The following MCUB variants were observed in gnomAD, a reference collection of about 807,000 sequenced individuals.
MCUB encodes mitochondrial calcium uniporter dominant negative subunit beta.
In MCUB, 46 loss-of-function variants were observed where a neutral mutation model predicts 41.4. The ratio of observed to expected loss-of-function variants is 1.11; its 90% CI spans 0.88 to 1.42. The LOEUF is 1.42. Ranked by LOEUF, MCUB falls within the 40% of genes most tolerant of loss-of-function variation. MCUB has a pLI of 0.00. For synonymous variants in MCUB, 148 were observed against 148.2 expected, an observed-to-expected ratio of 1.00 and a Z score of 0.01; for missense variants, 403 against 404.9, an observed-to-expected ratio of 1.00 and a Z score of 0.04.
chr4:109,587,078 G>C (rs1284438061), intron 1 of MCUB, among the ~76,000 whole-genome samples: 1 of 152,238 alleles, frequency 6.6e-6, no homozygotes, highest in Non-Finnish European at 1.5e-5. Context: ...AGTCTACAGA[G>C]GCAGCAGGCC....
At chr4:109,656,354 CTTTTT>C (rs752851425) in intron 1 of MCUB, among the ~76,000 whole-genome samples, 5 of 62,094 alleles carry the variant, frequency 8.1e-5, no homozygotes, top group African/African-American at 1.6e-4. Flanking sequence ...TTACTCTCTA[CTTTTT>C]TTTTTTTTTT....
chr4:109,621,355 A>G (rs1268769007), intron 1 of MCUB, among the ~76,000 whole-genome samples: 1 of 152,228 alleles, frequency 6.6e-6, no homozygotes, highest in Non-Finnish European at 1.5e-5. Context: ...AGTTGATTCT[A>G]TAACTGTTAC....
chr4:109,609,028 CTG>C (rs1017504580), intron 1 of MCUB, among the ~76,000 whole-genome samples: 1 of 151,768 alleles, frequency 6.6e-6, no homozygotes, highest in Non-Finnish European at 1.5e-5. Context: ...GACAGAGACT[CTG>C]TGTTATCTTC....
rs1358904815 is a variant in MCUB, at chr4:109,597,983, C to T, written c.99+37547C>T. Among the ~76,000 whole-genome samples, 7 of 150,710 alleles carry T rather than the reference C, an allele frequency of 4.6e-5. No individual in the cohort carries two copies. The East Asian group carries it at 1.4e-3, about 30-fold the overall frequency. ...GGCGGCGGGGCAGAGGCGCTCCCCA[C>T]ATCTCAGACGATGGGCGGCCGGGCA... On this transcript the variant is annotated intron_variant, in intron 1 of 7. Coordinates refer to ENST00000394650, the MANE Select transcript of MCUB (RefSeq NM_017918.5).
chr4:109,623,993 G>A (rs912818388), intron 1 of MCUB, among the ~76,000 whole-genome samples: 4 of 152,082 alleles, frequency 2.6e-5, no homozygotes, highest in Admixed American at 6.6e-5. Context: ...AGGATCACAG[G>A]TGCACACCAG....
intron 1 of MCUB, among the ~76,000 whole-genome samples, chr4:109,586,762 T>A (rs1272037552): frequency 6.6e-6 from 1 of 152,220 alleles, no homozygotes; most frequent in African/African-American, 2.4e-5. Flanking sequence ...CAGACCCTGT[T>A]TGCCTGGGTA....
At chr4:109,576,665 G>A (rs1414888852) in intron 1 of MCUB, among the ~76,000 whole-genome samples, 3 of 152,088 alleles carry the variant, frequency 2.0e-5, no homozygotes, top group Non-Finnish European at 4.4e-5. Flanking sequence ...GAAACAGATG[G>A]CCCACTTAGA....
chr4:109,682,419 T>A (rs755514115), intron 4 of MCUB, among the ~76,000 whole-genome samples, 163 bp from the exon 5 acceptor site: 4 of 152,218 alleles, frequency 2.6e-5, no homozygotes, highest in Non-Finnish European at 4.4e-5. Flanking sequence ...CTTGAACTGC[T>A]TTTCAAATGT....
intron 1 of MCUB, among the ~76,000 whole-genome samples, chr4:109,609,649 T>C (rs1452644610): frequency 6.6e-6 from 1 of 152,166 alleles, no homozygotes; most frequent in Non-Finnish European, 1.5e-5. Context: ...AAGATGGAGC[T>C]GCTCTGGTTC....
rs949223739 is a variant in MCUB, at chr4:109,592,785, A to G, written c.99+32349A>G. ...GTGCACACTTTCAGGAGTTTTGACA[A>G]TACACAGACCTATTAACTCATACTT... On this transcript the variant is annotated intron_variant, in intron 1 of 7. Coordinates refer to ENST00000394650, the MANE Select transcript of MCUB (RefSeq NM_017918.5). Among the ~76,000 whole-genome samples the G allele has an allele frequency of 6.6e-4, 101 of 152,206 alleles. 2 individuals carry two copies. Among genetic ancestry groups the G allele is most frequent in the Non-Finnish European group, 2.2e-4 (15 of 68,030 alleles).
At chr4:109,613,735 T>C (rs1031898986) in intron 1 of MCUB, among the ~76,000 whole-genome samples, 42 of 152,166 alleles carry the variant, frequency 2.8e-4, no homozygotes, top group African/African-American at 1.0e-3. Flanking sequence ...AGGGTCAGAA[T>C]ACCAGGAGGC....
chr4:109,682,475 T>C (rs746518294), intron 4 of MCUB, 107 bp from the exon 5 acceptor site: 4 of 876,882 alleles, frequency 4.6e-6, no homozygotes, highest in Non-Finnish European at 7.2e-6. Flanking sequence ...TTCCTTACCC[T>C]GTGGATCCTA....
intron 1 of MCUB, among the ~76,000 whole-genome samples, chr4:109,610,646 T>C (rs1046987797): frequency 6.6e-6 from 1 of 152,178 alleles, no homozygotes; most frequent in African/African-American, 2.4e-5. Flanking sequence ...ACGCGTCTTT[T>C]AACGGCAGGG....
chr4:109,602,787 T>C (rs1422668078), intron 1 of MCUB, among the ~76,000 whole-genome samples: 3 of 152,200 alleles, frequency 2.0e-5, no homozygotes, highest in Non-Finnish European at 4.4e-5. Flanking sequence ...AATCTGTAGA[T>C]TGCTTTGGTA....
At chr4:109,657,200 CAG>C (rs1491467181) in intron 1 of MCUB, among the ~76,000 whole-genome samples, 1 of 119,346 alleles carries the variant, frequency 8.4e-6, no homozygotes, top group African/African-American at 3.4e-5. Context: ...GCCTGGGCAA[CAG>C]AGCAATATTC....
chr4:109,667,340 A>G (rs951505960), intron 4 of MCUB, among the ~76,000 whole-genome samples: 5 of 151,956 alleles, frequency 3.3e-5, no homozygotes, highest in African/African-American at 1.2e-4. Context: ...GAATTAATCT[A>G]TTTTGTCTAG....
At chr4:109,648,222 AAG>A (rs3086306) in intron 1 of MCUB, among the ~76,000 whole-genome samples, 106,603 of 151,726 alleles carry the variant, frequency 0.7, 38,122 homozygotes, top group African/African-American at 0.83. Flanking sequence ...AATGGAAGGA[AAG>A]AGAGAGAGAA....
chr4:109,649,836 A>AGT (rs1280702575), intron 1 of MCUB, among the ~76,000 whole-genome samples: 4 of 152,062 alleles, frequency 2.6e-5, no homozygotes, highest in Non-Finnish European at 5.9e-5. Context: ...AGCCTCCCAA[A>AGT]GTGTTCGGAT....
chr4:109,581,622 C>T (rs919078549), intron 1 of MCUB, among the ~76,000 whole-genome samples: 2 of 152,138 alleles, frequency 1.3e-5, no homozygotes, highest in African/African-American at 4.8e-5. Context: ...AAAATTTTCG[C>T]AACCTACTTA....
Sources: gnomAD v4.1 joint callset for allele counts (sites outside exome capture counted in the v4.1 genomes callset) on GRCh38, gnomAD v4.1.1 for gene constraint, MANE v1.5 for transcripts, NCBI Gene and HGNC (gene_info 2026-07-23, HGNC 2026-07-21) for gene names.